Variants in PLAGL1 observed in about 807,000 individuals in gnomAD.
PLAGL1 encodes the protein zinc finger protein PLAGL1.
PLAGL1 carries 1 observed loss-of-function variant against 4.6 expected under a neutral mutation model. The ratio of observed to expected loss-of-function variants is 0.22; its 90% CI spans 0.08 to 1.03. The LOEUF (loss-of-function observed/expected upper bound fraction) is 1.03. PLAGL1 is among the 50% of genes least tolerant of loss of function. The pLI, the probability that PLAGL1 is intolerant of heterozygous loss-of-function variation, is 0.58. For synonymous variants in PLAGL1, 240 were observed against 237.8 expected (o/e 1.01, Z -0.08); for missense variants, 464 against 570.4 (o/e 0.81, Z 1.90).
In PLAGL1 at chr6:143,942,242, T is replaced by C; in HGVS notation, c.574A>G (p.Arg192Gly). 1 of 1,614,138 alleles carries C rather than the reference T, an allele frequency of 6.2e-7. No individual in the cohort carries two copies. Residue 192 changes from arginine to glycine, a missense_variant, in exon 8 of 8, where the codon AGA becomes GGA. By Grantham distance (125) the Arg-to-Gly change is moderately radical. Coordinates refer to ENST00000674357, the MANE Select transcript of PLAGL1 (RefSeq NM_001317162.2). The surrounding 1 kb of genome is among the most constrained non-coding windows in gnomAD (Gnocchi z 7.6). Reference protein sequence around the residue: ...KDFLCQFCAQRFGRKDHLTRH... With the variant: ...KDFLCQFCAQGFGRKDHLTRH... ...GTGAGGTGATCCTTGCGCCCAAATC[T>C]CTGGGCACAGAACTGGCACAGGAAG... is the stretch of plus-strand genomic sequence containing the variant.
intron 1 of PLAGL1, among the ~76,000 whole-genome samples, chr6:144,032,585 G>A (rs575145600): frequency 1.3e-5 from 2 of 151,998 alleles, no homozygotes; most frequent in African/African-American, 2.4e-5. Context: ...TTTTTGAGAC[G>A]GAGTCTTGGT....
rs1467623032 is a variant in PLAGL1 at position 144,039,421 on chromosome 6, C to T, written c.-151+25047G>A. ...CCAACATGGCAAAACCCCATCTCTA[C>T]AAAAAAATACAAAAATTAGCTGGGC... On this transcript the variant is annotated intron_variant, in intron 1 of 3. Coordinates refer to the PLAGL1 transcript ENST00000437412. This position sits in a 1 kb window ranked among gnomAD's most constrained non-coding sequence, Gnocchi z 4.1. 2.0e-5 allele frequency among the ~76,000 whole-genome samples: 3 copies of T among 151,924 alleles called. No homozygotes were observed. Among genetic ancestry groups the T allele is most frequent in the Non-Finnish European group, 4.4e-5 (3 of 67,958 alleles).
At chr6:144,008,672 G>C (rs574088654), upstream of PLAGL1, 15 of 152,540 alleles carry the variant, frequency 9.8e-5, no homozygotes, top group African/African-American at 3.6e-4. This position sits in a 1 kb window ranked among gnomAD's most constrained non-coding sequence, Gnocchi z 6.9. Context: ...GGCCGCCAGA[G>C]CCCAATCACA....
Position 144,004,586 on chromosome 6 carries a change from G to A in PLAGL1, c.-584+3504C>T, listed in dbSNP as rs893622140. Among the ~76,000 whole-genome samples the A allele has an allele frequency of 3.3e-5, 5 of 152,144 alleles. No individual in the cohort carries two copies. The highest frequency in any genetic ancestry group is 5.9e-5 in the Non-Finnish European group (4 of 68,024). The stretch of plus-strand genomic sequence containing the variant: ...GGGACAGTAGTTGACTGGGGGAAGC[G>A]AGTGGCTCCATTGATAGGAAGGGGC... On this transcript the variant is annotated intron_variant, in intron 1 of 7. Coordinates refer to ENST00000674357, the MANE Select transcript of PLAGL1 (RefSeq NM_001317162.2). The surrounding 1 kb of genome is among the most constrained non-coding windows in gnomAD (Gnocchi z 4.2).
At position 143,958,591 on chromosome 6, in the gene PLAGL1, CT is replaced by C. The variant is rs1468253625; in HGVS notation, c.-325+1877del. On this transcript the variant is annotated intron_variant, in intron 6 of 7. Coordinates refer to ENST00000674357, the MANE Select transcript of PLAGL1 (RefSeq NM_001317162.2). The surrounding 1 kb of genome is among the most constrained non-coding windows in gnomAD (Gnocchi z 5.1). ...ATTTCAAGAAGCTTGAGAATTTTCT[CT>C]TTGCCTTTCCATGTCATGTCCAATA... 6.6e-6 allele frequency among the ~76,000 whole-genome samples: 1 copy of C among 152,186 alleles called. No individual in the cohort carries two copies. Among genetic ancestry groups the C allele is most frequent in the Non-Finnish European group, 1.5e-5 (1 of 68,038 alleles).
At chr6:144,058,350 C>A (rs1403651343) in intron 1 of PLAGL1, among the ~76,000 whole-genome samples, 4 of 152,310 alleles carry the variant, frequency 2.6e-5, no homozygotes, top group Non-Finnish European at 5.9e-5. Context: ...CCCCATGATC[C>A]AATCATCTCT....
intron 1 of PLAGL1, among the ~76,000 whole-genome samples, chr6:144,051,041 T>C (rs1194771866): frequency 6.6e-6 from 1 of 152,238 alleles, no homozygotes; most frequent in Non-Finnish European, 1.5e-5. Flanking sequence ...AATAAGTCAG[T>C]ACATGATATG....
chr6:144,032,621 GCA>G (rs1796916344), intron 1 of PLAGL1, among the ~76,000 whole-genome samples: 1 of 152,038 alleles, frequency 6.6e-6, no homozygotes, highest in South Asian at 2.1e-4. Context: ...GAGTCAAATG[GCA>G]CAGTCTCGGC....
In PLAGL1 at chr6:143,943,031, A is replaced by ATTTTTTT. The variant is rs61216054; in HGVS notation, c.153-375_153-369dup. Reference sequence around the variant, plus strand: ...AGGCACACACCACCAGGCCTGGCTAATTTTTTTTTTTTTTTTTTTGAGACA... The same window carrying ATTTTTTT: ...AGGCACACACCACCAGGCCTGGCTAATTTTTTTTTTTTTTTTTTTTTTTTTTGAGACA... On this transcript the variant is annotated intron_variant, in intron 7 of 7. Transcript: ENST00000674357. Among the ~76,000 whole-genome samples, 34 of 64,646 alleles carry ATTTTTTT rather than the reference A, an allele frequency of 5.3e-4. 6 individuals are homozygous for ATTTTTTT. The highest frequency in any genetic ancestry group is 1.8e-3 in the South Asian group (2 of 1,128). The allele number at this position is 64,646 out of a possible 152,430, so 42.4% of individuals were successfully genotyped here.
chr6:144,052,854 C>T (rs1798678011), intron 1 of PLAGL1, among the ~76,000 whole-genome samples: 2 of 152,074 alleles, frequency 1.3e-5, no homozygotes, highest in South Asian at 2.1e-4. Flanking sequence ...TCTCCACATC[C>T]AGGATATATG....
At chr6:144,035,688 C>T (rs907027490) in intron 1 of PLAGL1, among the ~76,000 whole-genome samples, 1 of 152,122 alleles carries the variant, frequency 6.6e-6, no homozygotes, top group East Asian at 1.9e-4. Flanking sequence ...GTGTCAAATC[C>T]CTGTTGCTAT....
At chr6:143,980,635 TTTAA>T (rs1326715086) in intron 2 of PLAGL1, among the ~76,000 whole-genome samples, 1 of 152,182 alleles carries the variant, frequency 6.6e-6, no homozygotes, top group African/African-American at 2.4e-5. Context: ...ATTAAATCTA[TTTAA>T]TTTATTTTAG....
Position 143,978,020 on chromosome 6 carries a change from C to G in PLAGL1, c.-544+7115G>C, listed in dbSNP as rs1285533690. ...TCCTGTATTTTATCCATGGGATTAGCAGAATAACACCTCTTTCATTCCTAA... is the reference window on the plus strand; with the variant it reads ...TCCTGTATTTTATCCATGGGATTAGGAGAATAACACCTCTTTCATTCCTAA... On this transcript the variant is annotated intron_variant, in intron 2 of 7. Coordinates refer to ENST00000674357, the MANE Select transcript of PLAGL1 (RefSeq NM_001317162.2). The surrounding 1 kb of genome is among the most constrained non-coding windows in gnomAD (Gnocchi z 4.6). 6.6e-6 allele frequency among the ~76,000 whole-genome samples: 1 copy of G among 152,164 alleles called. No individual in the cohort carries two copies. The highest frequency in any genetic ancestry group is 1.5e-5 in the Non-Finnish European group (1 of 68,024).
intron 1 of PLAGL1, among the ~76,000 whole-genome samples, chr6:144,025,368 T>C (rs1796259740): frequency 6.6e-6 from 1 of 152,108 alleles, no homozygotes; most frequent in African/African-American, 2.4e-5. Context: ...AATCCTGGAA[T>C]AGAAAAAGGA....
chr6:144,027,259 G>GA lies in PLAGL1; in HGVS notation c.-151+37208dup, dbSNP rs981685741. On this transcript the variant is annotated intron_variant, in intron 1 of 3. Coordinates refer to the PLAGL1 transcript ENST00000437412. This position sits in a 1 kb window ranked among gnomAD's most constrained non-coding sequence, Gnocchi z 5.8. ...CGAAAGAAAGAAAGAAAGAAAGAAA[G>GA]AAAGAAAGAAAGAAAGAAAGAAAGA... 9.7e-5 allele frequency among the ~76,000 whole-genome samples: 14 copies of GA among 144,188 alleles called. No homozygotes were observed. The highest frequency in any genetic ancestry group is 1.5e-4 in the Admixed American group (2 of 13,346). 94.6% of individuals were successfully genotyped at this position (144,188 alleles called of 152,430 possible). A position where few individuals can be genotyped will look rare whatever the true frequency, so the allele number is the denominator to read the frequency against.
In PLAGL1 at chr6:144,034,507, T is replaced by C. The variant is rs569275724; in HGVS notation, c.-151+29961A>G. Among the ~76,000 whole-genome samples the C allele has an allele frequency of 2.0e-5, 3 of 152,316 alleles. No individual in the cohort carries two copies. Among genetic ancestry groups the C allele is most frequent in the South Asian group, 4.1e-4 (2 of 4,824 alleles). On this transcript the variant is annotated intron_variant, in intron 1 of 3. Coordinates refer to the PLAGL1 transcript ENST00000437412. The surrounding 1 kb of genome is among the most constrained non-coding windows in gnomAD (Gnocchi z 4.7). ...AAAACACTTATTTGTTTCCTTTGTA[T>C]CCTCCTCTCATTCAGGGGGTTCAAT...
chr6:144,030,960 C>T (rs933877649), intron 1 of PLAGL1, among the ~76,000 whole-genome samples: 3 of 152,192 alleles, frequency 2.0e-5, no homozygotes, highest in Non-Finnish European at 4.4e-5. Flanking sequence ...AGTGGTTGCA[C>T]TAGTTTACAT....
At chr6:144,007,578 C>T (rs1021745510) in intron 1 of PLAGL1, 5 of 152,196 alleles carry the variant, frequency 3.3e-5, no homozygotes, top group African/African-American at 1.2e-4. Flanking sequence ...GTCGCATTAT[C>T]AGCTGTCCCG....
chr6:143,974,186 C>T lies in PLAGL1; in HGVS notation c.-543-5208G>A, dbSNP rs1562469843. Among the ~76,000 whole-genome samples, 5 of 152,346 alleles carry T rather than the reference C, an allele frequency of 3.3e-5. No homozygotes were observed. In the South Asian group the frequency reaches 1.0e-3, roughly 32 times the overall value. On this transcript the variant is annotated intron_variant, in intron 2 of 7. Coordinates refer to ENST00000674357, the MANE Select transcript of PLAGL1 (RefSeq NM_001317162.2). The stretch of plus-strand genomic sequence containing the variant: ...GCTTATTTCACACCTTCATGGAACC[C>T]TATAACAAAATGCCTTCATTTCATT...
Sources: gnomAD v4.1 joint callset for allele counts (sites outside exome capture counted in the v4.1 genomes callset) on GRCh38, gnomAD v4.1.1 for gene constraint, Gnocchi (gnomAD v3.1) non-coding constraint, MANE v1.5 for transcripts, NCBI Gene and HGNC (gene_info 2026-07-23, HGNC 2026-07-21) for gene names.